FAM163B: variants seen among roughly 807,000 people sequenced by gnomAD.
FAM163B encodes family with sequence similarity 163 member B.
FAM163B carries 4 observed loss-of-function variants against 7.6 expected under a neutral mutation model. The observed-to-expected ratio is 0.52, with a 90% CI of 0.26 to 1.20. The LOEUF is 1.20. Among genes scored for constraint, FAM163B ranks in the 50% most tolerant of loss-of-function variants. The pLI is 0.14. For synonymous variants in FAM163B, 120 were observed against 111.6 expected, an observed-to-expected ratio of 1.07 and a Z score of -0.47; for missense variants, 250 against 243.0, an observed-to-expected ratio of 1.03 and a Z score of -0.19.
At position 133,609,197 on chromosome 9, in the gene FAM163B, C is replaced by A. The variant is rs1025842757; in HGVS notation, c.-144G>T. ...GCGGCCGCTCATGCCCAGGCCACGG[C>A]GGTGGCGCCTGGTGTGGCTGGGCGG... On this transcript the variant is annotated 5_prime_UTR_variant, in exon 1 of 3. Transcript: ENST00000673969. Among the ~76,000 whole-genome samples, 4 of 151,684 alleles carry A rather than the reference C, an allele frequency of 2.6e-5. No individual in the cohort carries two copies. Among genetic ancestry groups the A allele is most frequent in the African/African-American group, 9.7e-5 (4 of 41,388 alleles).
chr9:133,604,366 A>G (rs1831764754), intron 1 of FAM163B, among the ~76,000 whole-genome samples: 1 of 152,094 alleles, frequency 6.6e-6, no homozygotes, highest in East Asian at 1.9e-4. Context: ...GACAGGGAAC[A>G]ACACACACAG....
At chr9:133,608,970 G>A (rs1831821280) in intron 1 of FAM163B, among the ~76,000 whole-genome samples, 107 bp downstream of exon 1, 1 of 152,240 alleles carries the variant, frequency 6.6e-6, no homozygotes, top group Non-Finnish European at 1.5e-5. Context: ...CGAGGCAGCC[G>A]GGGCAGGCTG....
chr9:133,589,885 C>A (rs1461606887), intron 1 of FAM163B, among the ~76,000 whole-genome samples: 1 of 145,652 alleles, frequency 6.9e-6, no homozygotes, highest in Non-Finnish European at 1.5e-5. Flanking sequence ...ATCTCCCAGC[C>A]GTGGGTCAGG....
intron 1 of FAM163B, among the ~76,000 whole-genome samples, chr9:133,593,951 C>T (rs936773676): frequency 1.3e-5 from 2 of 152,224 alleles, no homozygotes; most frequent in African/African-American, 4.8e-5. Flanking sequence ...CCTCTGCCAC[C>T]CCCAGATCCA....
At chr9:133,602,132 G>T (rs1316687565) in intron 1 of FAM163B, among the ~76,000 whole-genome samples, 2 of 151,306 alleles carry the variant, frequency 1.3e-5, no homozygotes, top group Admixed American at 6.6e-5. Context: ...GGGCCACTTG[G>T]CAGGCCCTGC....
intron 2 of FAM163B, 70 bp from the exon 3 acceptor site, chr9:133,579,499 A>C: frequency 1.3e-6 from 2 of 1,485,118 alleles, no homozygotes; most frequent in African/African-American, 2.8e-5. Flanking sequence ...GGGAAAGGCT[A>C]CCCCTGACTG....
chr9:133,599,274 C>A (rs1831676282), intron 1 of FAM163B, among the ~76,000 whole-genome samples: 1 of 152,200 alleles, frequency 6.6e-6, no homozygotes, highest in Non-Finnish European at 1.5e-5. Flanking sequence ...GCTCAGCTCT[C>A]AGCTCAGACG....
chr9:133,579,187 C>G lies in FAM163B; in HGVS notation c.336G>C (p.Glu112Asp), dbSNP rs993107096. 8 of 1,611,960 alleles carry G rather than the reference C, an allele frequency of 5.0e-6. No individual in the cohort carries two copies. Among genetic ancestry groups the G allele is most frequent in the African/African-American group, 4.0e-5 (3 of 74,936 alleles). ...CGCGCTCCCCGCCGTTCAGCACGTC[C>G]TCTTCCTCCTCCGGCGGCTCCTGCA... ...FFLQEPPEEEEDVLNGGERVL... is the reference protein window; with the variant it reads ...FFLQEPPEEEDDVLNGGERVL... The change falls in exon 3 of 3, where the codon GAG becomes GAC. Residue 112 changes from glutamate to aspartate, a missense_variant. Physicochemically the swap from Glu to Asp is conservative, Grantham distance 45. Coordinates refer to ENST00000673969, the MANE Select transcript of FAM163B (RefSeq NM_001080515.3).
rs117522403 is a variant in FAM163B at position 133,599,511 on chromosome 9, G to A, written c.-24+9566C>T. 4.2e-3 allele frequency among the ~76,000 whole-genome samples: 644 copies of A among 152,288 alleles called. 2 individuals carry two copies. Among genetic ancestry groups the A allele is most frequent in the Non-Finnish European group, 7.3e-3 (498 of 68,018 alleles). ...CAATGTGTAAGGGGTGTGTGTATGTGTGCATGCATATGTATGTGTCTGTGT... is the reference window on the plus strand; with the variant it reads ...CAATGTGTAAGGGGTGTGTGTATGTATGCATGCATATGTATGTGTCTGTGT... On this transcript the variant is annotated intron_variant, in intron 1 of 2. Transcript: ENST00000673969.
chr9:133,594,002 C>T (rs554186574), intron 1 of FAM163B, among the ~76,000 whole-genome samples: 213 of 152,326 alleles, frequency 1.4e-3, no homozygotes, highest in African/African-American at 4.6e-3. Context: ...AGGGGTGGAC[C>T]GTGTGGAGCA....
At chr9:133,583,860 G>A (rs1324514783) in intron 1 of FAM163B, among the ~76,000 whole-genome samples, 4 of 152,228 alleles carry the variant, frequency 2.6e-5, no homozygotes, top group Non-Finnish European at 5.9e-5. Flanking sequence ...AGCAACGCCC[G>A]AGACGGCGCC....
intron 2 of FAM163B, among the ~76,000 whole-genome samples, chr9:133,579,789 C>A (rs1831326852): frequency 1.3e-5 from 2 of 152,186 alleles, no homozygotes; most frequent in Non-Finnish European, 1.5e-5. Context: ...CCCGATGGCT[C>A]CCCCTCATCT....
In FAM163B at chr9:133,580,252, A is replaced by G; in HGVS notation, c.-23-6T>C. 6.3e-7 allele frequency: 1 copy of G among 1,590,058 alleles called. No individual in the cohort carries two copies. The highest frequency in any genetic ancestry group is 8.6e-7 in the Non-Finnish European group (1 of 1,159,726). Reference sequence around the variant, plus strand: ...CCCCCTTCTCCATCAACAGCCTGCAACACACGCCGCCAGCTTTAGAGCATC... The same window carrying G: ...CCCCCTTCTCCATCAACAGCCTGCAGCACACGCCGCCAGCTTTAGAGCATC... On this transcript the variant is annotated splice_polypyrimidine_tract_variant and splice_region_variant and intron_variant, in intron 1 of 2. Transcript: ENST00000673969.
intron 1 of FAM163B, among the ~76,000 whole-genome samples, chr9:133,597,915 G>A (rs1180314379): frequency 2.0e-5 from 3 of 152,212 alleles, no homozygotes; most frequent in East Asian, 1.9e-4. Context: ...AAATGAAGGG[G>A]AGATGAAGAG....
At chr9:133,598,355 CG>C (rs1469800107) in intron 1 of FAM163B, among the ~76,000 whole-genome samples, 2 of 151,220 alleles carry the variant, frequency 1.3e-5, no homozygotes, top group Non-Finnish European at 2.9e-5. Context: ...AACCCTGAAC[CG>C]TATGCATCCT....
chr9:133,578,974 C>A lies in FAM163B; in HGVS notation c.*48G>T, dbSNP rs1441648872. ...AGGTGGGTGTGCCAAAGGAATCCCC[C>A]CATTGTCTCAGGACCTTCAAGGCCA... On this transcript the variant is annotated 3_prime_UTR_variant, in exon 3 of 3. Coordinates refer to ENST00000673969, the MANE Select transcript of FAM163B (RefSeq NM_001080515.3). The A allele has an allele frequency of 2.8e-5, 40 of 1,451,610 alleles. No homozygotes were observed. Among genetic ancestry groups the A allele is most frequent in the Non-Finnish European group, 3.4e-5 (38 of 1,103,618 alleles). The allele number at this position is 1,451,610 out of a possible 1,614,324, so 89.9% of individuals were successfully genotyped here.
At chr9:133,590,070 TC>T (rs375905348) in intron 1 of FAM163B, among the ~76,000 whole-genome samples, 276 of 14,438 alleles carry the variant, frequency 0.019, 4 homozygotes, top group Non-Finnish European at 0.031. Context: ...CCCTTCCCCT[TC>T]CCTTCCCCTT....
chr9:133,605,842 G>A (rs1320944576), intron 1 of FAM163B, among the ~76,000 whole-genome samples: 1 of 152,192 alleles, frequency 6.6e-6, no homozygotes. Flanking sequence ...CCCTCAACAT[G>A]CTTGTCACTT....
At chr9:133,603,260 C>T (rs1422618580) in intron 1 of FAM163B, among the ~76,000 whole-genome samples, 1 of 152,226 alleles carries the variant, frequency 6.6e-6, no homozygotes, top group Non-Finnish European at 1.5e-5. Context: ...GGCGCCTCCT[C>T]CCCTACTGCT....
Sources: allele counts gnomAD v4.1 joint callset (sites outside exome capture counted in the v4.1 genomes callset), GRCh38; gene constraint gnomAD v4.1.1; transcripts MANE v1.5; gene names NCBI Gene and HGNC (gene_info 2026-07-23, HGNC 2026-07-21).